BICRA: variants seen among roughly 807,000 people sequenced by gnomAD.
The protein encoded by BICRA is BRD4-interacting chromatin-remodeling complex-associated protein.
BICRA carries 31 observed loss-of-function variants against 96.9 expected under a neutral mutation model. That is an observed-to-expected ratio of 0.32 (90% CI 0.24 to 0.43). The LOEUF (loss-of-function observed/expected upper bound fraction) is 0.43, where lower values mean the gene tolerates loss of function less well. BICRA is among the 20% of genes least tolerant of loss of function. BICRA has a pLI of 1.00. For missense variants in BICRA, 2,283 were observed against 2,190.3 expected, an observed-to-expected ratio of 1.04 and a Z score of -0.84; for synonymous variants, 1,350 against 1,071.8, an observed-to-expected ratio of 1.26 and a Z score of -5.07.
intron 1 of BICRA, among the ~76,000 whole-genome samples, chr19:47,630,246 C>T (rs1019250486): frequency 1.2e-4 from 18 of 151,096 alleles, no homozygotes; most frequent in Non-Finnish European, 1.9e-4. Flanking sequence ...CTGCAAGCTC[C>T]GCCTCCTGGG....
rs1490503314 is a variant in BICRA, at chr19:47,699,290, T to TC, written c.3493-8dup. The TC allele has an allele frequency of 6.6e-7, 1 of 1,507,266 alleles. No homozygotes were observed. The highest frequency in any genetic ancestry group is 9.0e-7 in the Non-Finnish European group (1 of 1,105,330). 93.4% of individuals were successfully genotyped at this position (1,507,266 alleles called of 1,614,324 possible). ...GCTGGTTCACTCGCACGTCGTCTTTTCCCCCACCCCAGAGGGTGAGCCCCT... is the reference window on the plus strand; with the variant it reads ...GCTGGTTCACTCGCACGTCGTCTTTTCCCCCCACCCCAGAGGGTGAGCCCCT... On this transcript the variant is annotated splice_polypyrimidine_tract_variant and intron_variant, in intron 13 of 14. Coordinates refer to ENST00000594866, the MANE Select transcript of BICRA (RefSeq NM_001394372.1). This position sits in a 1 kb window ranked among gnomAD's most constrained non-coding sequence, Gnocchi z 5.0.
chr19:47,620,197 A>T (rs1972044443), intron 1 of BICRA, among the ~76,000 whole-genome samples: 1 of 152,088 alleles, frequency 6.6e-6, no homozygotes, highest in Non-Finnish European at 1.5e-5. Flanking sequence ...TGAGGCTCCA[A>T]ACTGCAGAAG....
intron 1 of BICRA, among the ~76,000 whole-genome samples, chr19:47,623,222 G>A (rs1599786621): frequency 2.0e-5 from 3 of 152,040 alleles, no homozygotes. Flanking sequence ...TGCTTTGTGC[G>A]ATGGATTTTT....
chr19:47,678,273 G>A (rs947116566), intron 5 of BICRA, among the ~76,000 whole-genome samples: 1 of 151,944 alleles, frequency 6.6e-6, no homozygotes, highest in Non-Finnish European at 1.5e-5. Context: ...GTGCCACCAC[G>A]CCTGGCTAAT....
In BICRA at chr19:47,675,933, C is replaced by T; in HGVS notation, c.150+17C>T. 1 of 1,574,060 alleles carries T rather than the reference C, an allele frequency of 6.4e-7. No homozygotes were observed. Among genetic ancestry groups the T allele is most frequent in the South Asian group, 1.1e-5 (1 of 87,928 alleles). On this transcript the variant is annotated intron_variant, in intron 5 of 14. Transcript: ENST00000594866. This position sits in a 1 kb window ranked among gnomAD's most constrained non-coding sequence, Gnocchi z 4.7. Reference sequence around the variant, plus strand: ...GGTCCTGGGGTAAGTGCCGTGGCTCCCGATCATTGCCTGAGCTGTTGGGGC... The same window carrying T: ...GGTCCTGGGGTAAGTGCCGTGGCTCTCGATCATTGCCTGAGCTGTTGGGGC...
intron 1 of BICRA, among the ~76,000 whole-genome samples, chr19:47,656,869 G>T (rs565331312): frequency 5.5e-4 from 82 of 148,172 alleles, no homozygotes; most frequent in Middle Eastern, 3.4e-3. Context: ...GATTTGTTTG[G>T]TTTTTTTTTT....
chr19:47,609,666 C>T (rs1205470694), intron 1 of BICRA, among the ~76,000 whole-genome samples: 2 of 151,700 alleles, frequency 1.3e-5, no homozygotes, highest in Non-Finnish European at 2.9e-5. Context: ...TCGGGGAAGG[C>T]GAAGGCCACC....
chr19:47,643,380 C>T (rs1328554081), intron 1 of BICRA, among the ~76,000 whole-genome samples: 2 of 152,202 alleles, frequency 1.3e-5, no homozygotes, highest in Non-Finnish European at 2.9e-5. Context: ...CCCTGACTGA[C>T]AAAGTGAAGG....
chr19:47,675,326 G>A lies in BICRA; in HGVS notation c.85-525G>A, dbSNP rs1202838149. 6.6e-6 allele frequency among the ~76,000 whole-genome samples: 1 copy of A among 152,214 alleles called. No homozygotes were observed. The highest frequency in any genetic ancestry group is 1.5e-5 in the Non-Finnish European group (1 of 68,040). On this transcript the variant is annotated intron_variant, in intron 4 of 14. Coordinates refer to ENST00000594866, the MANE Select transcript of BICRA (RefSeq NM_001394372.1). The surrounding 1 kb of genome is among the most constrained non-coding windows in gnomAD (Gnocchi z 4.7). ...CATACATTCACTGGGCACATATGTG[G>A]ATGCCAGGGCCTGTTCTGGGCACTA...
chr19:47,613,570 C>A (rs1270836280), intron 1 of BICRA, among the ~76,000 whole-genome samples: 4 of 152,170 alleles, frequency 2.6e-5, no homozygotes, highest in Non-Finnish European at 1.5e-5. Context: ...TCCACGATGA[C>A]AACTGCTGCC....
At position 47,699,212 on chromosome 19, in the gene BICRA, AG is replaced by A. The variant is rs1568580152; in HGVS notation, c.3493-90del. 1 of 879,220 alleles carries A rather than the reference AG, an allele frequency of 1.1e-6. No individual in the cohort carries two copies. Among genetic ancestry groups the A allele is most frequent in the East Asian group, 2.6e-5 (1 of 37,860 alleles). The allele number at this position is 879,220 out of a possible 1,614,324, so 54.5% of individuals were successfully genotyped here. On this transcript the variant is annotated intron_variant, in intron 13 of 14. Coordinates refer to ENST00000594866, the MANE Select transcript of BICRA (RefSeq NM_001394372.1). The surrounding 1 kb of genome is among the most constrained non-coding windows in gnomAD (Gnocchi z 5.0). ...AGGCGGGAGCTCCCATCACAAGGAC[AG>A]TTTGGACCTTGCACGCATCGTCCCC...
chr19:47,701,511 C>G lies in BICRA; in HGVS notation c.3779C>G (p.Thr1260Ser). 7 of 1,548,580 alleles carry G rather than the reference C, an allele frequency of 4.5e-6. No homozygotes were observed. The highest frequency in any genetic ancestry group is 6.1e-6 in the Non-Finnish European group (7 of 1,147,028). The change falls in exon 15 of 15, where the codon ACC becomes AGC. Residue 1260 changes from threonine to serine, a missense_variant. Coordinates refer to ENST00000594866, the MANE Select transcript of BICRA (RefSeq NM_001394372.1). The surrounding 1 kb of genome is among the most constrained non-coding windows in gnomAD (Gnocchi z 5.4). ...HGGAGGSPSV[T>S]WARASSSLSS... Reference sequence around the variant, plus strand: ...GGGGCAGGCGGCTCCCCTTCGGTCACCTGGGCCCGGGCGTCCTCCTCCCTG... The same window carrying G: ...GGGGCAGGCGGCTCCCCTTCGGTCAGCTGGGCCCGGGCGTCCTCCTCCCTG...
At chr19:47,641,734 A>G (rs1568554547) in intron 1 of BICRA, among the ~76,000 whole-genome samples, 1 of 152,210 alleles carries the variant, frequency 6.6e-6, no homozygotes, top group Non-Finnish European at 1.5e-5. Context: ...CCTGTGAACA[A>G]TGCCATTGGA....
chr19:47,678,718 C>A (rs576192042), intron 5 of BICRA, among the ~76,000 whole-genome samples: 1 of 149,946 alleles, frequency 6.7e-6, no homozygotes, highest in East Asian at 2.0e-4. Context: ...GCGTGAGTCA[C>A]TGTGGCCTTG....
At chr19:47,646,210 C>T (rs1373126122) in intron 1 of BICRA, among the ~76,000 whole-genome samples, 6 of 152,196 alleles carry the variant, frequency 3.9e-5, no homozygotes, top group African/African-American at 1.4e-4. Flanking sequence ...GTCCAGCATG[C>T]GGAATGCTCT....
chr19:47,665,082 G>A (rs573352894), intron 1 of BICRA, among the ~76,000 whole-genome samples: 1 of 142,440 alleles, frequency 7.0e-6, no homozygotes, highest in Admixed American at 7.3e-5. Flanking sequence ...GTTTCTGAGT[G>A]TGGGGGGTAG....
In BICRA at chr19:47,694,226, C is replaced by A; in HGVS notation, c.2395C>A (p.Pro799Thr). ...PHLPSPHPTR[P>T]PSRPPSRPQS... ...CCTGCCCTCCCCACACCCCACCCGGCCCCCTTCCCGCCCACCCTCCCGGCC... is the reference window on the plus strand; with the variant it reads ...CCTGCCCTCCCCACACCCCACCCGGACCCCTTCCCGCCCACCCTCCCGGCC... The change falls in exon 8 of 15, where the codon CCC (proline) becomes ACC (threonine). Residue 799 changes from proline to threonine, a missense_variant. By Grantham distance (38) the Pro-to-Thr change is conservative (BLOSUM62 -1). Coordinates refer to ENST00000594866, the MANE Select transcript of BICRA (RefSeq NM_001394372.1). 1 of 1,061,142 alleles carries A rather than the reference C, an allele frequency of 9.4e-7. No homozygotes were observed. Among genetic ancestry groups the A allele is most frequent in the Non-Finnish European group, 1.3e-6 (1 of 772,050 alleles). 65.7% of individuals were successfully genotyped at this position (1,061,142 alleles called of 1,614,324 possible).
In BICRA at chr19:47,698,224, G is replaced by C. The variant is rs1385834958; in HGVS notation, c.3249-410G>C. On this transcript the variant is annotated intron_variant, in intron 11 of 14. Transcript: ENST00000594866. This position sits in a 1 kb window ranked among gnomAD's most constrained non-coding sequence, Gnocchi z 4.8. ...ACAAAAGCGGCCCGTGAGAAGACAG[G>C]ATCCAGCCTCCCTCCCTTCTTCCCG... Among the ~76,000 whole-genome samples the C allele has an allele frequency of 1.3e-5, 2 of 152,134 alleles. No individual in the cohort carries two copies. Among genetic ancestry groups the C allele is most frequent in the Non-Finnish European group, 2.9e-5 (2 of 68,022 alleles).
In BICRA at chr19:47,611,101, TCACACAGCCCTGGGTCA is replaced by T. The variant is rs536589297; in HGVS notation, c.-108+1938_-108+1954del. 9.8e-3 allele frequency among the ~76,000 whole-genome samples: 1,497 copies of T among 152,000 alleles called. 11 individuals carry two copies. Among genetic ancestry groups the T allele is most frequent in the Non-Finnish European group, 0.016 (1,069 of 67,950 alleles). ...GAGAGGTTAAGAAGCTTGCCCAGGG[TCACACAGCCCTGGGTCA>T]CACAGAGCCCCAATTTGTAACCTCC... On this transcript the variant is annotated intron_variant, in intron 1 of 14. Coordinates refer to ENST00000594866, the MANE Select transcript of BICRA (RefSeq NM_001394372.1).
Sources: gnomAD v4.1 joint callset for allele counts (sites outside exome capture counted in the v4.1 genomes callset) on GRCh38, gnomAD v4.1.1 for gene constraint, Gnocchi (gnomAD v3.1) non-coding constraint, MANE v1.5 for transcripts, NCBI Gene and HGNC (gene_info 2026-07-23, HGNC 2026-07-21) for gene names.